Variants in ST8SIA2 observed in about 807,000 individuals in gnomAD.
ST8SIA2 encodes alpha-2,8-sialyltransferase 8B.
ST8SIA2 carries 22 observed loss-of-function variants against 37.6 expected under a neutral mutation model. The ratio of observed to expected loss-of-function variants is 0.58; its 90% CI spans 0.42 to 0.83. The LOEUF (loss-of-function observed/expected upper bound fraction) is 0.83, where lower values mean the gene tolerates loss of function less well. ST8SIA2 is among the 40% of genes least tolerant of loss of function. The pLI, the probability that ST8SIA2 is intolerant of heterozygous loss-of-function variation, is 0.00. For missense variants in ST8SIA2, 382 were observed against 484.7 expected (o/e 0.79, Z 1.99); for synonymous variants, 205 against 201.2 (o/e 1.02, Z -0.16).
intron 5 of ST8SIA2, among the ~76,000 whole-genome samples, chr15:92,456,046 G>C (rs2049917286): frequency 6.6e-6 from 1 of 152,250 alleles, no homozygotes; most frequent in Non-Finnish European, 1.5e-5. Context: ...GGCATCGATT[G>C]AAACTCCAGA....
At chr15:92,412,572 C>T (rs2049557512) in intron 1 of ST8SIA2, among the ~76,000 whole-genome samples, 1 of 152,222 alleles carries the variant, frequency 6.6e-6, no homozygotes, top group African/African-American at 2.4e-5. Context: ...GATGCCATCT[C>T]TTGAAACAGC....
rs374662283 is a variant in ST8SIA2, at chr15:92,444,882, C to T, written c.795C>T (p.Asn265=). The change falls in exon 5 of 6, where the codon AAC becomes AAT. Residue 265 remains asparagine, a synonymous_variant. Transcript: ENST00000268164. ...AGCTTATCCTGAAGCACCACGTCAA[C>T]GTGCGCACTGCATACCCCTCGCTGC... is the stretch of plus-strand genomic sequence containing the variant. ...VNELILKHHV[N]VRTAYPSLRL... is the part of the protein sequence containing the mutation. 100 of 1,613,376 alleles carry T rather than the reference C, an allele frequency of 6.2e-5. No homozygotes were observed. Among genetic ancestry groups the T allele is most frequent in the Non-Finnish European group, 7.9e-5 (93 of 1,180,044 alleles).
intron 1 of ST8SIA2, among the ~76,000 whole-genome samples, chr15:92,413,778 C>T (rs2141813556): frequency 6.6e-6 from 1 of 152,352 alleles, no homozygotes. Flanking sequence ...TAGAGAGCGG[C>T]AGACAATCCC....
chr15:92,429,715 T>C (rs556205954), intron 1 of ST8SIA2, among the ~76,000 whole-genome samples: 1 of 152,322 alleles, frequency 6.6e-6, no homozygotes, highest in Admixed American at 6.5e-5. Context: ...TCATGTTGAA[T>C]TATGCTATCC....
chr15:92,464,061 A>G, intron 5 of ST8SIA2, 39 bp from the exon 6 acceptor site: 1 of 1,487,096 alleles, frequency 6.7e-7, no homozygotes. Context: ...TCACAGACCC[A>G]TGTTTCTTTT....
chr15:92,394,607 TG>T (rs942439734), intron 1 of ST8SIA2, among the ~76,000 whole-genome samples: 5 of 151,544 alleles, frequency 3.3e-5, no homozygotes, highest in African/African-American at 1.2e-4. Flanking sequence ...CAGGGATCTC[TG>T]AGCTGGGGGA....
At chr15:92,410,969 C>CA (rs1259009112) in intron 1 of ST8SIA2, among the ~76,000 whole-genome samples, 1 of 152,208 alleles carries the variant, frequency 6.6e-6, no homozygotes, top group East Asian at 1.9e-4. Context: ...GCTGTTCTCA[C>CA]ATTTGTGACG....
chr15:92,444,961 G>A lies in ST8SIA2; in HGVS notation c.842+32G>A, dbSNP rs190521267. Reference sequence around the variant, plus strand: ...GGCCTCCCTACAGGCCAGTAGGACCGTCACTAAGTGTGGGAGATTCTTGGT... The same window carrying A: ...GGCCTCCCTACAGGCCAGTAGGACCATCACTAAGTGTGGGAGATTCTTGGT... On this transcript the variant is annotated intron_variant, in intron 5 of 5. Transcript: ENST00000268164. The A allele has an allele frequency of 3.9e-4, 631 of 1,603,490 alleles. No individual in the cohort carries two copies. The African/African-American group carries it at 6.9e-3, about 18-fold the overall frequency.
chr15:92,394,052 G>A lies in ST8SIA2; in HGVS notation c.-13G>A. The A allele has an allele frequency of 6.5e-7, 1 of 1,546,912 alleles. No homozygotes were observed. The highest frequency in any genetic ancestry group is 8.7e-7 in the Non-Finnish European group (1 of 1,144,934). ...CGCCGGCCCGCGTGGGTCCCGGCGG[G>A]CGCGAACCCACCATGCAGCTGCAGT... On this transcript the variant is annotated 5_prime_UTR_variant, in exon 1 of 6. Coordinates refer to ENST00000268164, the MANE Select transcript of ST8SIA2 (RefSeq NM_006011.4).
chr15:92,415,087 G>T (rs2049577483), intron 1 of ST8SIA2, among the ~76,000 whole-genome samples: 1 of 152,146 alleles, frequency 6.6e-6, no homozygotes, highest in African/African-American at 2.4e-5. Context: ...CCCTTCCAGA[G>T]GCCAGGGCTG....
At chr15:92,411,787 T>C (rs3887775) in intron 1 of ST8SIA2, among the ~76,000 whole-genome samples, 68,413 of 151,990 alleles carry the variant, frequency 0.45, 16,548 homozygotes, top group East Asian at 0.69. Flanking sequence ...GGCTGGAGGT[T>C]AGGCTAGATC....
intron 1 of ST8SIA2, among the ~76,000 whole-genome samples, chr15:92,412,298 A>G (rs78286452): frequency 0.07 from 10,601 of 151,834 alleles, 961 homozygotes; most frequent in African/African-American, 0.21. Context: ...GAGAGGTTCA[A>G]TGATAGGGTC....
intron 1 of ST8SIA2, among the ~76,000 whole-genome samples, chr15:92,394,729 C>G (rs1596224788): frequency 6.6e-6 from 1 of 152,112 alleles, no homozygotes; most frequent in African/African-American, 2.4e-5. Flanking sequence ...CCCGGGAGCC[C>G]GGCGTAGGAG....
At chr15:92,441,329 A>G (rs2049800144) in intron 4 of ST8SIA2, among the ~76,000 whole-genome samples, 1 of 152,120 alleles carries the variant, frequency 6.6e-6, no homozygotes, top group Non-Finnish European at 1.5e-5. Context: ...TTGACCAGTA[A>G]AAGTGGTGAG....
intron 2 of ST8SIA2, among the ~76,000 whole-genome samples, chr15:92,433,193 C>T (rs79130095): frequency 0.044 from 6,743 of 151,982 alleles, 506 homozygotes; most frequent in African/African-American, 0.15. Context: ...AACAGGATTT[C>T]ATCTTTTTTA....
At chr15:92,429,963 G>C in intron 1 of ST8SIA2, 86 bp from the exon 2 acceptor site, 2 of 1,432,334 alleles carry the variant, frequency 1.4e-6, no homozygotes, top group Non-Finnish European at 9.8e-7. Flanking sequence ...AGTTTTCCAG[G>C]TGGGCTATGG....
chr15:92,409,610 C>T (rs978276314), intron 1 of ST8SIA2, among the ~76,000 whole-genome samples: 1 of 152,140 alleles, frequency 6.6e-6, no homozygotes, highest in Non-Finnish European at 1.5e-5. Context: ...GTGCATGACA[C>T]CTGGTACATG....
chr15:92,400,220 G>A (rs930743171), intron 1 of ST8SIA2, among the ~76,000 whole-genome samples: 81 of 152,050 alleles, frequency 5.3e-4, no homozygotes, highest in African/African-American at 1.8e-3. Context: ...CATCTGCATT[G>A]GTTGCCCCTC....
chr15:92,440,066 A>G (rs1005549465), intron 4 of ST8SIA2, among the ~76,000 whole-genome samples: 1 of 152,156 alleles, frequency 6.6e-6, no homozygotes, highest in African/African-American at 2.4e-5. Flanking sequence ...TGACCCAGGA[A>G]TTTTGAGAGG....
Sources: gnomAD v4.1 joint callset for allele counts (sites outside exome capture counted in the v4.1 genomes callset) on GRCh38, gnomAD v4.1.1 for gene constraint, MANE v1.5 for transcripts, NCBI Gene and HGNC (gene_info 2026-07-23, HGNC 2026-07-21) for gene names.